Variants in PALM2AKAP2 observed in about 807,000 individuals in gnomAD.
PALM2AKAP2 encodes the protein PALM2-AKAP2 fusion protein.
PALM2AKAP2 carries 37 observed loss-of-function variants against 71.5 expected under a neutral mutation model. That is an observed-to-expected ratio of 0.52 (90% CI 0.40 to 0.68). PALM2AKAP2 has a LOEUF of 0.68. Among genes scored for constraint, PALM2AKAP2 ranks in the 30% least tolerant of loss-of-function variants. The probability of loss-of-function intolerance (pLI) is 0.00; values close to 1 mark genes in which losing one functional copy is unlikely to be tolerated. For missense variants in PALM2AKAP2, 1,224 were observed against 1,191.8 expected, an observed-to-expected ratio of 1.03 and a Z score of -0.40; for synonymous variants, 468 against 478.8, an observed-to-expected ratio of 0.98 and a Z score of 0.29.
intron 1 of PALM2AKAP2, among the ~76,000 whole-genome samples, chr9:109,801,003 T>C (rs1302436177): frequency 1.3e-5 from 2 of 152,172 alleles, no homozygotes; most frequent in African/African-American, 4.8e-5. Flanking sequence ...CAGTAAAACT[T>C]TCAATTAGCC....
At chr9:110,160,893 G>T (rs1336759138) in intron 3 of PALM2AKAP2, among the ~76,000 whole-genome samples, 1 of 152,124 alleles carries the variant, frequency 6.6e-6, no homozygotes, top group East Asian at 1.9e-4. Flanking sequence ...CAACCACTCT[G>T]TCTCATCTTA....
intron 7 of PALM2AKAP2, among the ~76,000 whole-genome samples, chr9:110,016,613 C>A (rs1408343513): frequency 1.3e-5 from 2 of 152,152 alleles, no homozygotes; most frequent in African/African-American, 4.8e-5. Context: ...AAATTAAATG[C>A]ATCAATTTGT....
At chr9:110,095,470 A>G (rs1444907874) in intron 1 of PALM2AKAP2, among the ~76,000 whole-genome samples, 1 of 152,052 alleles carries the variant, frequency 6.6e-6, no homozygotes, top group Non-Finnish European at 1.5e-5. Context: ...GTTGGTGGTA[A>G]TGCCTTAGAA....
chr9:109,957,710 T>C (rs1479325957), intron 6 of PALM2AKAP2, among the ~76,000 whole-genome samples: 1 of 152,220 alleles, frequency 6.6e-6, no homozygotes, highest in African/African-American at 2.4e-5. Context: ...TCTTGCTTGC[T>C]ATGTATTAGA....
intron 6 of PALM2AKAP2, among the ~76,000 whole-genome samples, chr9:109,950,228 G>C (rs140142782): frequency 6.6e-6 from 1 of 152,166 alleles, no homozygotes; most frequent in Non-Finnish European, 1.5e-5. Context: ...AGGAGGTGGA[G>C]GCTGCAGGGG....
chr9:109,989,761 C>T (rs1286012579), intron 6 of PALM2AKAP2, among the ~76,000 whole-genome samples: 1 of 152,182 alleles, frequency 6.6e-6, no homozygotes, highest in Non-Finnish European at 1.5e-5. Flanking sequence ...ACTGTGGGTC[C>T]ATCACAGTCT....
chr9:109,966,403 G>T (rs1280845189), intron 6 of PALM2AKAP2, among the ~76,000 whole-genome samples: 1 of 152,196 alleles, frequency 6.6e-6, no homozygotes, highest in Non-Finnish European at 1.5e-5. Flanking sequence ...CTGGAGCCAG[G>T]TACCCTGCAT....
At position 110,051,246 on chromosome 9, in the gene PALM2AKAP2, A is replaced by G. The variant is rs146017315; in HGVS notation, c.156+2391A>G. Among the ~76,000 whole-genome samples the G allele has an allele frequency of 5.9e-4, 90 of 152,338 alleles. No individual in the cohort carries two copies. In the South Asian group the frequency reaches 0.018, roughly 31 times the overall value. On this transcript the variant is annotated intron_variant, in intron 1 of 3. Transcript: ENST00000374525. Reference sequence around the variant, plus strand: ...CAGAGTCTGAAGTTATTTCACTTTCATAAGTGGCTTATTCTGACTCAGTAG... The same window carrying G: ...CAGAGTCTGAAGTTATTTCACTTTCGTAAGTGGCTTATTCTGACTCAGTAG...
intron 1 of PALM2AKAP2, chr9:110,090,408 C>G (rs1449169706): frequency 2.2e-6 from 1 of 456,752 alleles, no homozygotes; most frequent in South Asian, 1.5e-5. Context: ...GCTGTTCTCT[C>G]TCTTCACGGT....
At chr9:109,760,754 A>G (rs1270854320) in intron 1 of PALM2AKAP2, 1 of 152,168 alleles carries the variant, frequency 6.6e-6, no homozygotes, top group Non-Finnish European at 1.5e-5. Flanking sequence ...AAATATTGTT[A>G]AATGAACTCA....
At chr9:109,687,617 T>A (rs571121788) in intron 1 of PALM2AKAP2, among the ~76,000 whole-genome samples, 1 of 152,368 alleles carries the variant, frequency 6.6e-6, no homozygotes, top group East Asian at 1.9e-4. Context: ...AAGGGAATGT[T>A]GTGGCTGGTT....
At chr9:110,088,806 G>A (rs10465106) in intron 1 of PALM2AKAP2, among the ~76,000 whole-genome samples, 26,984 of 132,948 alleles carry the variant, frequency 0.2, 3,301 homozygotes, top group African/African-American at 0.37. Context: ...TGCAACCTCC[G>A]CCTCCCGGGT....
chr9:109,655,394 G>C (rs1827288264), intron 1 of PALM2AKAP2, among the ~76,000 whole-genome samples: 2 of 151,870 alleles, frequency 1.3e-5, no homozygotes, highest in Non-Finnish European at 2.9e-5. Flanking sequence ...ACAAAATATG[G>C]ATAAAGGGTC....
At chr9:110,154,886 A>G (rs937435311) in intron 2 of PALM2AKAP2, among the ~76,000 whole-genome samples, 5 of 152,234 alleles carry the variant, frequency 3.3e-5, no homozygotes, top group Admixed American at 6.5e-5. Context: ...AGAAGAGACC[A>G]CAAAGATAAC....
rs541495928 is a variant in PALM2AKAP2, at chr9:109,870,407, T to C, written c.126+2836T>C. Among the ~76,000 whole-genome samples, 3 of 152,340 alleles carry C rather than the reference T, an allele frequency of 2.0e-5. No individual in the cohort carries two copies. In the South Asian group the frequency reaches 6.2e-4, roughly 32 times the overall value. Reference sequence around the variant, plus strand: ...GATGGAAGTACATTCGTGGAGGTTATATTTTCTTCTCTGTGAGCCTCTCCA... The same window carrying C: ...GATGGAAGTACATTCGTGGAGGTTACATTTTCTTCTCTGTGAGCCTCTCCA... On this transcript the variant is annotated intron_variant, in intron 2 of 9. Transcript: ENST00000302798.
intron 1 of PALM2AKAP2, among the ~76,000 whole-genome samples, chr9:109,741,088 T>A (rs1165994258): frequency 6.6e-6 from 1 of 152,192 alleles, no homozygotes; most frequent in African/African-American, 2.4e-5. Flanking sequence ...AACCTAGACA[T>A]AGAGGATTTT....
intron 1 of PALM2AKAP2, among the ~76,000 whole-genome samples, chr9:109,711,781 C>G (rs988953635): frequency 6.6e-6 from 1 of 152,240 alleles, no homozygotes; most frequent in Non-Finnish European, 1.5e-5. Flanking sequence ...CTTCGGGGTA[C>G]TCTGAACACA....
At chr9:109,732,685 T>C (rs897077494) in intron 1 of PALM2AKAP2, among the ~76,000 whole-genome samples, 2 of 152,014 alleles carry the variant, frequency 1.3e-5, no homozygotes, top group African/African-American at 4.8e-5. Flanking sequence ...AATAGTCAAA[T>C]AGAAAAACCA....
chr9:110,119,822 A>G (rs1348344564), intron 1 of PALM2AKAP2, among the ~76,000 whole-genome samples: 1 of 152,210 alleles, frequency 6.6e-6, no homozygotes, highest in Non-Finnish European at 1.5e-5. Context: ...AGCCATTATA[A>G]TAACGTGAGT....
Sources: gnomAD v4.1 joint callset for allele counts (sites outside exome capture counted in the v4.1 genomes callset) on GRCh38, gnomAD v4.1.1 for gene constraint, MANE v1.5 for transcripts, NCBI Gene and HGNC (gene_info 2026-07-23, HGNC 2026-07-21) for gene names.